SLCO1B3: variants seen among roughly 807,000 people sequenced by gnomAD.
SLCO1B3 encodes the protein liver-specific organic anion transporter 2.
SLCO1B3 carries 72 observed loss-of-function variants against 71.8 expected under a neutral mutation model. The observed-to-expected ratio is 1.00, with a 90% confidence interval of 0.83 to 1.22. SLCO1B3 has a LOEUF of 1.22. Ranked by LOEUF, SLCO1B3 falls within the 50% of genes most tolerant of loss-of-function variation. SLCO1B3 has a pLI of 0.00. For missense variants in SLCO1B3, 911 were observed against 819.7 expected, an observed-to-expected ratio of 1.11 and a Z score of -1.36; for synonymous variants, 298 against 278.4, an observed-to-expected ratio of 1.07 and a Z score of -0.70.
At chr12:20,862,683 T>G in intron 7 of SLCO1B3, 73 bp from the exon 8 acceptor site, 1 of 1,451,036 alleles carries the variant, frequency 6.9e-7, no homozygotes, top group Non-Finnish European at 9.5e-7. Flanking sequence ...TGTATAATAT[T>G]ACTTTTAAAA....
At chr12:20,846,361 ATTCTTTAGTTAGTTAGTTAGT>A (rs1301197356) in intron 3 of SLCO1B3, among the ~76,000 whole-genome samples, 1 of 152,160 alleles carries the variant, frequency 6.6e-6, no homozygotes, top group Non-Finnish European at 1.5e-5. Context: ...AAAGAGTGTT[ATTCTTTAGTTAGTTAGTTAGT>A]TTCTTTGTTT....
Position 20,916,104 on chromosome 12 carries a change from AC to A in SLCO1B3, c.1968del (p.Lys657ArgfsTer9). 5 of 1,613,522 alleles carry A rather than the reference AC, an allele frequency of 3.1e-6. No homozygotes were observed. The highest frequency in any genetic ancestry group is 4.2e-6 in the Non-Finnish European group (5 of 1,179,610). ...GAAGAAAAAATTTCAAGGAAAAGAT[AC>A]CAAGGCATCGGACAATGAAAGAAAA... ...AMKKKFQGKD[T>X]KASDNERKVM... is the part of the protein sequence containing the mutation. On this transcript the variant is annotated frameshift_variant, in exon 16 of 16. Coordinates refer to ENST00000381545, the MANE Select transcript of SLCO1B3 (RefSeq NM_019844.4). LOFTEE classifies it high-confidence loss of function.
At chr12:20,820,785 A>G (rs995729923) in intron 3 of SLCO1B3, among the ~76,000 whole-genome samples, 22 of 120,698 alleles carry the variant, frequency 1.8e-4, no homozygotes, top group Non-Finnish European at 3.4e-4. Context: ...CTGCCGAATG[A>G]GCCATGAACT....
intron 3 of SLCO1B3, among the ~76,000 whole-genome samples, chr12:20,828,301 G>GT (rs1491469529): frequency 4.3e-3 from 88 of 20,460 alleles, no homozygotes; most frequent in African/African-American, 7.0e-3. Flanking sequence ...AACTATTTTA[G>GT]TAAAAAAAAA....
chr12:20,865,803 A>C (rs1382251496), intron 8 of SLCO1B3, among the ~76,000 whole-genome samples: 2 of 152,094 alleles, frequency 1.3e-5, no homozygotes, highest in Admixed American at 6.6e-5. Flanking sequence ...AATTTGTTAA[A>C]CTTTACACAG....
At chr12:20,905,886 C>T (rs982118773) in intron 15 of SLCO1B3, among the ~76,000 whole-genome samples, 4 of 152,208 alleles carry the variant, frequency 2.6e-5, no homozygotes, top group Non-Finnish European at 5.9e-5. Flanking sequence ...ATAGCAGTGT[C>T]CCACTCCCAG....
chr12:20,826,356 C>A (rs1222125722), intron 3 of SLCO1B3, among the ~76,000 whole-genome samples: 2 of 152,004 alleles, frequency 1.3e-5, no homozygotes, highest in Non-Finnish European at 1.5e-5. Context: ...AAGCTGAAAG[C>A]AGTGGGACAC....
Position 20,815,093 on chromosome 12 carries a change from CAG to C in SLCO1B3, c.-65-578_-65-577del, listed in dbSNP as rs138674727. 3.3e-3 allele frequency among the ~76,000 whole-genome samples: 503 copies of C among 151,354 alleles called. 3 individuals are homozygous for C. The highest frequency in any genetic ancestry group is 0.012 in the African/African-American group (478 of 41,284). ...TGATGATGGTAAGGTCAAGCATGGC[CAG>C]AGTCTCTCTGAGAGATACTTGGAAT... On this transcript the variant is annotated intron_variant, in intron 2 of 15. Transcript: ENST00000381545.
chr12:20,900,250 C>T (rs1346054556), intron 14 of SLCO1B3, among the ~76,000 whole-genome samples: 2 of 151,978 alleles, frequency 1.3e-5, no homozygotes, highest in East Asian at 3.9e-4. Context: ...TCTACTATTT[C>T]TCAGTCTCAG....
chr12:20,840,043 T>C (rs1463116287), intron 3 of SLCO1B3, among the ~76,000 whole-genome samples: 3 of 152,222 alleles, frequency 2.0e-5, no homozygotes, highest in Non-Finnish European at 2.9e-5. Context: ...CTTAAATTGC[T>C]CATCTGTTCT....
At chr12:20,900,292 C>T (rs1442867723) in intron 14 of SLCO1B3, among the ~76,000 whole-genome samples, 3 of 151,882 alleles carry the variant, frequency 2.0e-5, no homozygotes, top group East Asian at 1.9e-4. Context: ...TAAAATGAAT[C>T]GGTAAAACAT....
At chr12:20,853,263 T>A (rs1418570948) in intron 3 of SLCO1B3, among the ~76,000 whole-genome samples, 4 of 152,060 alleles carry the variant, frequency 2.6e-5, no homozygotes, top group African/African-American at 9.7e-5. Context: ...TTAGGGTAAT[T>A]CTGGCCACAT....
At chr12:20,815,650 A>G in intron 2 of SLCO1B3, 24 bp from the exon 3 acceptor site, 1 of 821,804 alleles carries the variant, frequency 1.2e-6, no homozygotes, top group Non-Finnish European at 2.0e-6. Flanking sequence ...AGTAAAATAA[A>G]TTATACTTTT....
chr12:20,900,246 A>G (rs902989553), intron 14 of SLCO1B3, among the ~76,000 whole-genome samples: 6 of 152,162 alleles, frequency 3.9e-5, no homozygotes, highest in African/African-American at 7.2e-5. Flanking sequence ...TGAATCTACT[A>G]TTTCTCAGTC....
At chr12:20,862,149 A>G (rs1033841911) in intron 6 of SLCO1B3, among the ~76,000 whole-genome samples, 9 of 152,182 alleles carry the variant, frequency 5.9e-5, no homozygotes, top group African/African-American at 2.2e-4. Flanking sequence ...AAGGAATATT[A>G]TGCATATTTT....
At chr12:20,811,604 A>G (rs2121056355) in intron 1 of SLCO1B3, among the ~76,000 whole-genome samples, 1 of 152,336 alleles carries the variant, frequency 6.6e-6, no homozygotes, top group Non-Finnish European at 1.5e-5. Context: ...AAATAAGCAG[A>G]GGCTGGTAAG....
At chr12:20,848,896 C>G (rs1043639690) in intron 3 of SLCO1B3, among the ~76,000 whole-genome samples, 4 of 151,928 alleles carry the variant, frequency 2.6e-5, no homozygotes, top group Non-Finnish European at 4.4e-5. Flanking sequence ...CTTTATGATA[C>G]AGTAATGAAG....
At chr12:20,915,947 G>A in intron 15 of SLCO1B3, 57 bp from the exon 16 acceptor site, 1 of 1,370,072 alleles carries the variant, frequency 7.3e-7, no homozygotes, top group Non-Finnish European at 1.0e-6. Context: ...AGAAAAAAAT[G>A]TAAGATATTT....
At chr12:20,827,841 T>A (rs1864459427) in intron 3 of SLCO1B3, among the ~76,000 whole-genome samples, 1 of 152,172 alleles carries the variant, frequency 6.6e-6, no homozygotes, top group South Asian at 2.1e-4. Flanking sequence ...GTGCTGAGAT[T>A]ACAGGTGTGA....
Sources: gnomAD v4.1 joint callset for allele counts (sites outside exome capture counted in the v4.1 genomes callset) on GRCh38, gnomAD v4.1.1 for gene constraint, MANE v1.5 for transcripts, NCBI Gene and HGNC (gene_info 2026-07-23, HGNC 2026-07-21) for gene names.